Variants in DSC2 observed in about 807,000 individuals in gnomAD.
DSC2 encodes the protein desmocollin 2.
DSC2 carries 51 observed loss-of-function variants against 87.6 expected under a neutral mutation model. That is an observed-to-expected ratio of 0.58 (90% CI 0.46 to 0.74). The LOEUF is 0.74. Among genes scored for constraint, DSC2 ranks in the 30% least tolerant of loss-of-function variants. The probability of loss-of-function intolerance (pLI) is 0.00; values close to 1 mark genes in which losing one functional copy is unlikely to be tolerated. For synonymous variants in DSC2, 383 were observed against 393.2 expected (o/e 0.97, Z 0.31); for missense variants, 1,066 against 1,089.5 (o/e 0.98, Z 0.30).
chr18:31,085,975 G>A (rs1186447300), intron 7 of DSC2, among the ~76,000 whole-genome samples: 2 of 151,926 alleles, frequency 1.3e-5, no homozygotes, highest in Non-Finnish European at 2.9e-5. Flanking sequence ...GTGATTCAGG[G>A]GGGCCAAGAG....
Position 31,071,718 on chromosome 18 carries a change from C to G in DSC2, c.2012G>C (p.Cys671Ser). The G allele has an allele frequency of 1.9e-6, 3 of 1,613,982 alleles. No individual in the cohort carries two copies. The change falls in exon 13 of 16, where the codon TGC becomes TCC. Residue 671 changes from cysteine (C) to serine (S), a missense_variant. Coordinates refer to ENST00000280904, the MANE Select transcript of DSC2 (RefSeq NM_024422.6). The part of the protein sequence containing the change: ...VTSLDVTLCD[C>S]ITENDCTHRV... The stretch of plus-strand genomic sequence containing the variant: ...ATGTGTGCAGTCATTTTCGGTAATG[C>G]AGTCACACAGTGTAACATCCAATGA...
rs377686908 is a variant in DSC2 at position 31,071,120 on chromosome 18, T to C, written c.2126-270A>G. On this transcript the variant is annotated intron_variant, in intron 13 of 15. Transcript: ENST00000280904. ...CTGTTTCTACATTGAATTTTATGTC[T>C]ATAATAACTAAGACACTAGAACTAT... is the stretch of plus-strand genomic sequence containing the variant. 2.3e-3 allele frequency among the ~76,000 whole-genome samples: 347 copies of C among 152,110 alleles called. 1 individual carries two copies. The highest frequency in any genetic ancestry group is 7.9e-3 in the African/African-American group (329 of 41,538).
rs1986471262 is a variant in DSC2 at position 31,060,039 on chromosome 18, C to T, written c.*7976G>A. On this transcript the variant is annotated 3_prime_UTR_variant, in exon 16 of 16. Coordinates refer to ENST00000280904, the MANE Select transcript of DSC2 (RefSeq NM_024422.6). ...ACAAAGCTGAGATTTGGATCCACGT[C>T]TTTCTGACTGCGAAGTCTGTGTGTG... 1 of 152,164 alleles carries T rather than the reference C, an allele frequency of 6.6e-6. No individual in the cohort carries two copies. The highest frequency in any genetic ancestry group is 2.1e-4 in the South Asian group (1 of 4,828). 9.4% of individuals were successfully genotyped at this position (152,164 alleles called of 1,614,324 possible).
Position 31,066,731 on chromosome 18 carries a change from A to T in DSC2, c.*1284T>A, listed in dbSNP as rs1327301456. On this transcript the variant is annotated 3_prime_UTR_variant, in exon 16 of 16. Coordinates refer to ENST00000280904, the MANE Select transcript of DSC2 (RefSeq NM_024422.6). ...TTTTAAAATTTAAATAGTTTGGCTC[A>T]TTTCTACATTTGTTAAAATTGTAAT... 6.6e-6 allele frequency: 1 copy of T among 152,158 alleles called. No homozygotes were observed. The highest frequency in any genetic ancestry group is 1.5e-5 in the Non-Finnish European group (1 of 68,000). The allele number at this position is 152,158 out of a possible 1,614,324, so 9.4% of individuals were successfully genotyped here.
chr18:31,068,368 T>C (rs761242747), intron 15 of DSC2, 156 bp from the exon 16 acceptor site: 5 of 1,609,154 alleles, frequency 3.1e-6, no homozygotes, highest in Non-Finnish European at 4.3e-6. Context: ...ATGCACATGA[T>C]TGGTCTGTTT....
intron 1 of DSC2, among the ~76,000 whole-genome samples, chr18:31,101,037 G>A (rs942014112): frequency 1.3e-5 from 2 of 150,970 alleles, no homozygotes; most frequent in Non-Finnish European, 3.0e-5. Context: ...GGTCATTGCT[G>A]TAGTGCTCTT....
intron 3 of DSC2, 42 bp downstream of exon 3, chr18:31,092,059 G>A (rs769154651): frequency 6.4e-7 from 1 of 1,568,590 alleles, no homozygotes; most frequent in Non-Finnish European, 8.7e-7. Flanking sequence ...GATTACGTCT[G>A]AAGAAAAGAT....
At chr18:31,072,593 A>G (rs1986870573) in intron 12 of DSC2, among the ~76,000 whole-genome samples, 1 of 152,194 alleles carries the variant, frequency 6.6e-6, no homozygotes, top group Admixed American at 6.5e-5. Flanking sequence ...ACAACAGTAC[A>G]TTACCTGTAT....
In DSC2 at chr18:31,062,097, G is replaced by A. The variant is rs1986512867; in HGVS notation, c.*5918C>T. The stretch of plus-strand genomic sequence containing the variant: ...CATTGCCTCTGAGGCTCATTGCTAT[G>A]CATTTCTTTCCCTATTCTCTACTTC... On this transcript the variant is annotated 3_prime_UTR_variant, in exon 16 of 16. Coordinates refer to ENST00000280904, the MANE Select transcript of DSC2 (RefSeq NM_024422.6). The A allele has an allele frequency of 2.6e-5, 4 of 152,168 alleles. No homozygotes were observed. The highest frequency in any genetic ancestry group is 5.9e-5 in the Non-Finnish European group (4 of 68,056). 9.4% of individuals were successfully genotyped at this position (152,168 alleles called of 1,614,324 possible).
At position 31,058,942 on chromosome 18, in the gene DSC2, T is replaced by A. The variant is rs898976597; in HGVS notation, c.*9073A>T. ...GAGGCCATATCTTACATACAGTAGA[T>A]ACCAAATAAATTTTAACACCGAACA... On this transcript the variant is annotated 3_prime_UTR_variant, in exon 16 of 16. Transcript: ENST00000280904. The A allele has an allele frequency of 2.6e-5, 4 of 152,192 alleles. No homozygotes were observed. The highest frequency in any genetic ancestry group is 4.8e-5 in the African/African-American group (2 of 41,446). The allele number at this position is 152,192 out of a possible 1,614,324, so 9.4% of individuals were successfully genotyped here. A position where few individuals can be genotyped will look rare whatever the true frequency, so the allele number is the denominator to read the frequency against.
intron 1 of DSC2, 69 bp downstream of exon 1, chr18:31,101,834 C>G: frequency 2.6e-6 from 3 of 1,168,292 alleles, no homozygotes; most frequent in African/African-American, 1.6e-5. Flanking sequence ...TATCCCCGTT[C>G]CCCTAGTTTT....
At position 31,086,751 on chromosome 18, in the gene DSC2, G is replaced by C. The variant is rs757945592; in HGVS notation, c.776-9C>G. ...TTGTCCCACAGTAGTGCCTAGAGAAGAAAAGTCCTTTTTAATCTCCAAAAC... is the reference window on the plus strand; with the variant it reads ...TTGTCCCACAGTAGTGCCTAGAGAACAAAAGTCCTTTTTAATCTCCAAAAC... On this transcript the variant is annotated splice_polypyrimidine_tract_variant and intron_variant, in intron 6 of 15. Transcript: ENST00000280904. 1 of 1,613,384 alleles carries C rather than the reference G, an allele frequency of 6.2e-7. No homozygotes were observed. Among genetic ancestry groups the C allele is most frequent in the Non-Finnish European group, 8.5e-7 (1 of 1,179,604 alleles).
At chr18:31,090,817 CCA>C (rs1433002086) in intron 4 of DSC2, among the ~76,000 whole-genome samples, 1 of 152,090 alleles carries the variant, frequency 6.6e-6, no homozygotes, top group African/African-American at 2.4e-5. Flanking sequence ...TGTCTGAGTG[CCA>C]CAGTTTTATG....
At chr18:31,080,926 G>A (rs1987199024) in intron 9 of DSC2, among the ~76,000 whole-genome samples, 1 of 151,734 alleles carries the variant, frequency 6.6e-6, no homozygotes, top group Admixed American at 6.6e-5. Flanking sequence ...TCAGTACTTG[G>A]GTAAAGCTGG....
At chr18:31,073,703 T>C (rs1366841228) in intron 12 of DSC2, among the ~76,000 whole-genome samples, 1 of 152,076 alleles carries the variant, frequency 6.6e-6, no homozygotes, top group Non-Finnish European at 1.5e-5. Flanking sequence ...CCATAGGCAG[T>C]GTGAGCAGGA....
chr18:31,100,876 T>C (rs1015948989), intron 1 of DSC2, among the ~76,000 whole-genome samples: 5 of 152,070 alleles, frequency 3.3e-5, no homozygotes, highest in African/African-American at 1.2e-4. Context: ...TCGGACTTTT[T>C]ATATCCCCAA....
intron 9 of DSC2, among the ~76,000 whole-genome samples, chr18:31,080,835 A>T (rs1205230228): frequency 6.6e-6 from 1 of 152,198 alleles, no homozygotes; most frequent in African/African-American, 2.4e-5. Flanking sequence ...AGTCTCAGGT[A>T]GTTCTTTATA....
rs1446159594 is a variant in DSC2, at chr18:31,066,437, CTT to C, written c.*1576_*1577del. 1 of 152,060 alleles carries C rather than the reference CTT, an allele frequency of 6.6e-6. No homozygotes were observed. The highest frequency in any genetic ancestry group is 1.5e-5 in the Non-Finnish European group (1 of 67,994). 9.4% of individuals were successfully genotyped at this position (152,060 alleles called of 1,614,324 possible). A position where few individuals can be genotyped will look rare whatever the true frequency, so the allele number is the denominator to read the frequency against. ...TTTGTATATACTTTATTAAAAATAA[CTT>C]TGGAAAACTATTTTTGCCTGATCAG... On this transcript the variant is annotated 3_prime_UTR_variant, in exon 16 of 16. Transcript: ENST00000280904.
intron 11 of DSC2, among the ~76,000 whole-genome samples, chr18:31,075,254 T>C (rs1986977140): frequency 6.6e-6 from 1 of 152,130 alleles, no homozygotes; most frequent in African/African-American, 2.4e-5. Flanking sequence ...AAACGCACGT[T>C]ATACACACCC....
Sources: gnomAD v4.1 joint callset for allele counts (sites outside exome capture counted in the v4.1 genomes callset) on GRCh38, gnomAD v4.1.1 for gene constraint, MANE v1.5 for transcripts, NCBI Gene and HGNC (gene_info 2026-07-23, HGNC 2026-07-21) for gene names.